The following COL2A1 variants were observed in gnomAD, a reference collection of about 807,000 sequenced individuals.
The protein encoded by COL2A1 is collagen type II alpha 1 chain, also known as collagen alpha-1(II) chain.
In COL2A1, 28 loss-of-function variants were observed where a neutral mutation model predicts 204.5. The ratio of observed to expected loss-of-function variants is 0.14; its 90% CI spans 0.10 to 0.19. The LOEUF (loss-of-function observed/expected upper bound fraction) is 0.19. Ranked by LOEUF, COL2A1 falls within the 10% of genes least tolerant of loss-of-function variation. The pLI, the probability that COL2A1 is intolerant of heterozygous loss-of-function variation, is 1.00. For missense variants in COL2A1, 1,388 were observed against 2,027.5 expected, an observed-to-expected ratio of 0.68 and a Z score of 6.06; for synonymous variants, 708 against 718.7, an observed-to-expected ratio of 0.99 and a Z score of 0.24.
intron 37 of COL2A1, 76 bp from the exon 38 acceptor site, chr12:47,981,044 T>TGGAG: frequency 7.1e-7 from 1 of 1,413,754 alleles, no homozygotes; most frequent in Non-Finnish European, 9.7e-7. Flanking sequence ...AAGAGCCCCT[T>TGGAG]GGGCCCTGCC....
chr12:47,975,813 C>T, intron 50 of COL2A1, 150 bp downstream of exon 50: 2 of 816,790 alleles, frequency 2.4e-6, no homozygotes, highest in Non-Finnish European at 4.2e-6. Flanking sequence ...GATCATGGGC[C>T]CTGTGACCTC....
rs189705931 is a variant in COL2A1, at chr12:47,998,925, G to A, written c.293-494C>T. ...AGGCATATGAGTTATGAAGAGCATC[G>A]GAGCATCATAGCCTGTGCCATCCCC... On this transcript the variant is annotated intron_variant, in intron 2 of 53. Transcript: ENST00000380518. The A allele has an allele frequency of 1.3e-3, 216 of 167,860 alleles. 1 individual carries two copies. The highest frequency in any genetic ancestry group is 4.7e-3 in the African/African-American group (196 of 41,646). 10.4% of individuals were successfully genotyped at this position (167,860 alleles called of 1,614,324 possible).
chr12:47,985,410 CT>C (rs368791459), intron 26 of COL2A1, 123 bp downstream of exon 26: 116 of 1,040,012 alleles, frequency 1.1e-4, no homozygotes, highest in African/African-American at 1.1e-3. Flanking sequence ...CATCTACCCC[CT>C]GTCACAATTC....
intron 18 of COL2A1, among the ~76,000 whole-genome samples, chr12:47,988,640 G>C (rs1939555252): frequency 1.3e-5 from 2 of 152,242 alleles, no homozygotes; most frequent in South Asian, 4.1e-4. Flanking sequence ...ACACATGGAG[G>C]CTCCTTATTC....
At chr12:48,003,288 C>T (rs1269548570) in intron 1 of COL2A1, among the ~76,000 whole-genome samples, 1 of 152,082 alleles carries the variant, frequency 6.6e-6, no homozygotes. Flanking sequence ...AATCGACCAG[C>T]CTGCTCCCCT....
chr12:47,996,451 A>C (rs1414519180), intron 8 of COL2A1, 97 bp downstream of exon 8: 6 of 1,034,862 alleles, frequency 5.8e-6, no homozygotes, highest in Non-Finnish European at 9.2e-6. Flanking sequence ...AGCCACTCTA[A>C]GCAATTATCT....
intron 40 of COL2A1, 45 bp downstream of exon 40, chr12:47,979,964 G>A (rs1028878415): frequency 1.3e-6 from 2 of 1,514,846 alleles, no homozygotes; most frequent in Admixed American, 4.0e-5. Flanking sequence ...CTGGGGCCAG[G>A]CCTCTTTGTG....
rs771870114 is a variant in COL2A1, at chr12:47,989,291, G to A, written c.1069-10C>T. 3 of 1,611,810 alleles carry A rather than the reference G, an allele frequency of 1.9e-6. No individual in the cohort carries two copies. The South Asian group carries it at 3.3e-5, about 18-fold the overall frequency. On this transcript the variant is annotated splice_polypyrimidine_tract_variant and intron_variant, in intron 17 of 53. Coordinates refer to ENST00000380518, the MANE Select transcript of COL2A1 (RefSeq NM_001844.5). ...CAGGACCGACAGGACCCTGGAGAGAGTAGGCGGATGAGAAGAGAGGTGAAT... is the reference window on the plus strand; with the variant it reads ...CAGGACCGACAGGACCCTGGAGAGAATAGGCGGATGAGAAGAGAGGTGAAT...
In COL2A1 at chr12:47,980,488, C is replaced by T; in HGVS notation, c.2625+66G>A. 1 of 1,397,802 alleles carries T rather than the reference C, an allele frequency of 7.2e-7. No individual in the cohort carries two copies. Among genetic ancestry groups the T allele is most frequent in the Non-Finnish European group, 9.9e-7 (1 of 1,005,672 alleles). 86.6% of individuals were successfully genotyped at this position (1,397,802 alleles called of 1,614,324 possible). ...CCATCCTCTGCGCAGCCTGCTGGGG[C>T]CTTCCCATCTGCACGCCAGGAGCCC... On this transcript the variant is annotated intron_variant, in intron 39 of 53. Coordinates refer to ENST00000380518, the MANE Select transcript of COL2A1 (RefSeq NM_001844.5). The surrounding 1 kb of genome is among the most constrained non-coding windows in gnomAD (Gnocchi z 4.5).
At chr12:47,977,272 C>T (rs1284168615) in intron 46 of COL2A1, 48 bp downstream of exon 46, 4 of 1,569,086 alleles carry the variant, frequency 2.5e-6, no homozygotes, top group Non-Finnish European at 3.5e-6. Flanking sequence ...ACTGCCTCAG[C>T]CCCACCGCGC....
chr12:47,979,071 GC>G (rs1434107025), intron 41 of COL2A1, among the ~76,000 whole-genome samples: 1 of 151,810 alleles, frequency 6.6e-6, no homozygotes, highest in Non-Finnish European at 1.5e-5. Context: ...CTCCAGCCCT[GC>G]CCCTCTGACC....
Position 47,997,603 on chromosome 12 carries a change from T to C in COL2A1, c.531+3A>G. On this transcript the variant is annotated splice_donor_region_variant and intron_variant, in intron 7 of 53. Transcript: ENST00000380518. ...TGAAGGAATGGGAAGTAAGGATACT[T>C]ACTCCACCAAGACCAGGGGGACCAG... The C allele has an allele frequency of 6.2e-7, 1 of 1,613,744 alleles. No homozygotes were observed. Among genetic ancestry groups the C allele is most frequent in the Non-Finnish European group, 8.5e-7 (1 of 1,179,986 alleles).
At chr12:47,982,677 C>T in intron 33 of COL2A1, 68 bp from the exon 34 acceptor site, 1 of 1,346,622 alleles carries the variant, frequency 7.4e-7, no homozygotes, top group Non-Finnish European at 1.1e-6. Context: ...TTCATGGAGC[C>T]TGGGTAACCA....
At chr12:47,988,752 G>C (rs756468644) in intron 18 of COL2A1, among the ~76,000 whole-genome samples, 1 of 152,238 alleles carries the variant, frequency 6.6e-6, no homozygotes, top group East Asian at 1.9e-4. Context: ...AGAGAACTCC[G>C]TTAACATGGT....
chr12:47,978,279 C>T lies in COL2A1; in HGVS notation c.3003+12G>A, dbSNP rs765992233. ...CCCAGCTTGGATGGAGGGAGGGATA[C>T]CCCACACTCACCGACGGGCCAGGCA... On this transcript the variant is annotated intron_variant, in intron 43 of 53. Coordinates refer to ENST00000380518, the MANE Select transcript of COL2A1 (RefSeq NM_001844.5). This position sits in a 1 kb window ranked among gnomAD's most constrained non-coding sequence, Gnocchi z 5.5. 2 of 1,613,016 alleles carry T rather than the reference C, an allele frequency of 1.2e-6. No individual in the cohort carries two copies. Among genetic ancestry groups the T allele is most frequent in the African/African-American group, 1.3e-5 (1 of 74,902 alleles).
chr12:48,001,617 C>A (rs897932119), intron 1 of COL2A1, among the ~76,000 whole-genome samples: 1 of 152,192 alleles, frequency 6.6e-6, no homozygotes, highest in African/African-American at 2.4e-5. Context: ...GGAAGGGCGG[C>A]CCGGGAAGCG....
chr12:48,004,264 C>T lies in COL2A1; in HGVS notation c.58G>A (p.Val20Ile), dbSNP rs911368398. 4 of 1,550,418 alleles carry T rather than the reference C, an allele frequency of 2.6e-6. No individual in the cohort carries two copies. The highest frequency in any genetic ancestry group is 3.5e-6 in the Non-Finnish European group (4 of 1,146,538). Residue 20 changes from valine (V) to isoleucine (I), a missense_variant, in exon 1 of 54, where the codon GTC (valine) becomes ATC (isoleucine). This residue lies in a region of COL2A1 where 201 missense variants were observed against 242.4 expected (regional missense o/e 0.83). Coordinates refer to ENST00000380518, the MANE Select transcript of COL2A1 (RefSeq NM_001844.5). ...LVLLTLLVAA[V>I]LRCQGQDVQE... The stretch of plus-strand genomic sequence containing the variant: ...ACATCCTGGCCCTGACACCGAAGGA[C>T]AGCGGCGACGAGCAGCGTCAGCAGC...
intron 47 of COL2A1, 30 bp downstream of exon 47, chr12:47,977,072 G>C (rs1565669513): frequency 6.3e-7 from 1 of 1,594,864 alleles, no homozygotes; most frequent in Admixed American, 1.8e-5. Flanking sequence ...TCCCTGGTGG[G>C]GACTCAGTGC....
chr12:47,995,647 G>A (rs1029374445), intron 10 of COL2A1, 63 bp downstream of exon 10: 71 of 1,451,754 alleles, frequency 4.9e-5, no homozygotes, highest in Middle Eastern at 1.7e-4. Context: ...CAGCAGCTGC[G>A]GTCCTAGTGG....
Sources: allele counts gnomAD v4.1 joint callset (sites outside exome capture counted in the v4.1 genomes callset), GRCh38; gene constraint gnomAD v4.1.1; regional missense constraint gnomAD v4.1.1; non-coding constraint Gnocchi (gnomAD v3.1); transcripts MANE v1.5; gene names NCBI Gene and HGNC (gene_info 2026-07-23, HGNC 2026-07-21).